The following LPAR4 variants were observed in gnomAD, a reference collection of about 807,000 sequenced individuals.
The protein encoded by LPAR4 is lysophosphatidic acid receptor 4.
Under a neutral mutation model 9.2 loss-of-function variants are expected in LPAR4, and 14 were observed. The observed-to-expected ratio is 1.51, with a 90% CI of 1.00 to 2.37. The LOEUF is 2.37. LPAR4 is among the 30% of genes most tolerant of loss of function. The pLI, the probability that LPAR4 is intolerant of heterozygous loss-of-function variation, is 0.00. For missense variants in LPAR4, 251 were observed against 272.1 expected, an observed-to-expected ratio of 0.92 and a Z score of 0.55; for synonymous variants, 131 against 97.9, an observed-to-expected ratio of 1.34 and a Z score of -1.99.
At position 78,757,032 on chromosome X, in the gene LPAR4, A is replaced by G. The variant is rs1408197250; in HGVS notation, c.*1050A>G. 8.3e-6 allele frequency: 1 copy of G among 121,113 alleles called. No individual in the cohort carries two copies. The highest frequency in any genetic ancestry group is 1.9e-5 in the Non-Finnish European group (1 of 52,584). 10.0% of individuals were successfully genotyped at this position (121,113 alleles called of 1,213,427 possible). On this transcript the variant is annotated 3_prime_UTR_variant, in exon 5 of 5. Coordinates refer to ENST00000614823, the MANE Select transcript of LPAR4 (RefSeq NM_001278000.3). Reference sequence around the variant, plus strand: ...TCTTTCTTATCGAATTTTGGAGCCTAATATAGCCAGGAGCTGCTGAATTTG... The same window carrying G: ...TCTTTCTTATCGAATTTTGGAGCCTGATATAGCCAGGAGCTGCTGAATTTG...
In LPAR4 at chrX:78,755,203, A is replaced by AGAGGGTTCC; in HGVS notation, c.334_335insGAGGGTTCC (p.Lys112delinsArgGlyPheGln). 1 of 1,210,925 alleles carries AGAGGGTTCC rather than the reference A, an allele frequency of 8.3e-7. No individual in the cohort carries two copies. Among genetic ancestry groups the AGAGGGTTCC allele is most frequent in the Non-Finnish European group, 1.1e-6 (1 of 894,759 alleles). ...CTGGCCTTTTGGTGACACCCTCTGC[A>AGAGGGTTCC]AGATCTCTGGAACTGCATTCCTTAC... On this transcript the variant is annotated protein_altering_variant, in exon 5 of 5. Transcript: ENST00000614823.
intron 4 of LPAR4, among the ~76,000 whole-genome samples, chrX:78,751,794 A>T: frequency 9.0e-6 from 1 of 110,922 alleles, no homozygotes; most frequent in Non-Finnish European, 1.9e-5. Context: ...GAGTCTCAAG[A>T]CTCAAGACAA....
rs371397614 is a variant in LPAR4 at position 78,755,362 on chromosome X, C to T, written c.493C>T (p.Leu165=). ...CATTGTGTGTGCTGGTGTCTGGATCCTAGTCCTCAGTGGCGGTATTTCAGC... is the reference window on the plus strand; with the variant it reads ...CATTGTGTGTGCTGGTGTCTGGATCTTAGTCCTCAGTGGCGGTATTTCAGC... ...SAIVCAGVWI[L]VLSGGISASL... The change falls in exon 5 of 5, where the codon CTA becomes TTA. Residue 165 remains leucine (L), a synonymous_variant. Coordinates refer to ENST00000614823, the MANE Select transcript of LPAR4 (RefSeq NM_001278000.3). 4.1e-6 allele frequency: 5 copies of T among 1,208,706 alleles called. No homozygotes were observed. The African/African-American group carries it at 7.0e-5, about 17-fold the overall frequency.
At chrX:78,754,408 A>AATT (rs1925196413) in intron 4 of LPAR4, among the ~76,000 whole-genome samples, 1 of 111,738 alleles carries the variant, frequency 8.9e-6, no homozygotes. Flanking sequence ...CAAATAAAAT[A>AATT]ATTATACTGG....
Position 78,755,997 on chromosome X carries a change from T to A in LPAR4, c.*15T>A. On this transcript the variant is annotated 3_prime_UTR_variant, in exon 5 of 5. Coordinates refer to ENST00000614823, the MANE Select transcript of LPAR4 (RefSeq NM_001278000.3). The stretch of plus-strand genomic sequence containing the variant: ...CCACCTTTTAGGTATGAGAAATGTG[T>A]TCAGGTCCAGATATGGTTTCTCCTA... 2.6e-6 allele frequency: 3 copies of A among 1,174,771 alleles called. No individual in the cohort carries two copies. Among genetic ancestry groups the A allele is most frequent in the Non-Finnish European group, 3.4e-6 (3 of 871,868 alleles).
chrX:78,749,238 C>G (rs1472733235), intron 1 of LPAR4: 1 of 111,708 alleles, frequency 9.0e-6, no homozygotes, highest in Non-Finnish European at 1.9e-5. Flanking sequence ...GTGGTTTGTT[C>G]AGCGCCTAAT....
At position 78,756,830 on chromosome X, in the gene LPAR4, A is replaced by G. The variant is rs1335144680; in HGVS notation, c.*848A>G. ...ATAAAATATTTATCCTCCCTGTTAT[A>G]CTTTGGAGCACAGCACAGCCAGAAA... On this transcript the variant is annotated 3_prime_UTR_variant, in exon 5 of 5. Transcript: ENST00000614823. 1.6e-5 allele frequency: 2 copies of G among 121,820 alleles called. No individual in the cohort carries two copies. Among genetic ancestry groups the G allele is most frequent in the African/African-American group, 6.6e-5 (2 of 30,486 alleles). The allele number at this position is 121,820 out of a possible 1,213,427, so 10.0% of individuals were successfully genotyped here.
intron 4 of LPAR4, among the ~76,000 whole-genome samples, chrX:78,752,756 C>A (rs1925124266): frequency 2.7e-5 from 3 of 111,160 alleles, no homozygotes; most frequent in Non-Finnish European, 5.7e-5. Context: ...TCTAGGGTAC[C>A]GGGCATATTT....
At chrX:78,753,188 G>A (rs936798466) in intron 4 of LPAR4, among the ~76,000 whole-genome samples, 11 of 111,922 alleles carry the variant, frequency 9.8e-5, no homozygotes, top group Non-Finnish European at 1.9e-4. Context: ...GTAATTAACT[G>A]CATCAGCATA....
chrX:78,753,030 A>C (rs776898473), intron 4 of LPAR4, among the ~76,000 whole-genome samples: 1 of 111,504 alleles, frequency 9.0e-6, no homozygotes, highest in East Asian at 2.8e-4. Context: ...ATTTTTGGTC[A>C]ACCTCCACGG....
At chrX:78,753,779 G>C (rs750283088) in intron 4 of LPAR4, among the ~76,000 whole-genome samples, 4 of 111,761 alleles carry the variant, frequency 3.6e-5, no homozygotes, top group Non-Finnish European at 7.5e-5. Flanking sequence ...GAGTGAACCA[G>C]TGTCTGAGTC....
chrX:78,752,403 T>G (rs1157464032), intron 4 of LPAR4, among the ~76,000 whole-genome samples: 1 of 111,996 alleles, frequency 8.9e-6, no homozygotes, highest in Non-Finnish European at 1.9e-5. Context: ...ACCACTAATT[T>G]GAGAAGCAAC....
In LPAR4 at chrX:78,756,483, A is replaced by C. The variant is rs1925297615; in HGVS notation, c.*501A>C. 8.1e-6 allele frequency: 1 copy of C among 123,513 alleles called. No individual in the cohort carries two copies. The highest frequency in any genetic ancestry group is 3.2e-5 in the African/African-American group (1 of 30,784). 10.2% of individuals were successfully genotyped at this position (123,513 alleles called of 1,213,427 possible). A position where few individuals can be genotyped will look rare whatever the true frequency, so the allele number is the denominator to read the frequency against. ...ATAAGAAATGTGTCAAATTTTTAAC[A>C]TTGGTAAAATATGTTATGTGCATTT... On this transcript the variant is annotated 3_prime_UTR_variant, in exon 5 of 5. Transcript: ENST00000614823.
chrX:78,748,205 C>T (rs1433629386), intron 1 of LPAR4, among the ~76,000 whole-genome samples, 171 bp downstream of exon 1: 3 of 111,950 alleles, frequency 2.7e-5, no homozygotes, highest in African/African-American at 9.7e-5. Flanking sequence ...CGAGAATTTC[C>T]ATTGTTTTGG....
rs749762681 is a variant in LPAR4, at chrX:78,757,926, A to G, written c.*1944A>G. ...CACAGAACAATAACAAAAAAGTAAA[A>G]CTTCTAAAACAATAAGCAAATTTTT... On this transcript the variant is annotated 3_prime_UTR_variant, in exon 5 of 5. Coordinates refer to ENST00000614823, the MANE Select transcript of LPAR4 (RefSeq NM_001278000.3). Among the ~76,000 whole-genome samples the G allele has an allele frequency of 5.4e-5, 6 of 111,685 alleles. No homozygotes were observed. Among genetic ancestry groups the G allele is most frequent in the Non-Finnish European group, 9.4e-5 (5 of 52,964 alleles).
In LPAR4 at chrX:78,758,529, A is replaced by T. The variant is rs1268755612; in HGVS notation, c.*2547A>T. On this transcript the variant is annotated 3_prime_UTR_variant, in exon 5 of 5. Coordinates refer to ENST00000614823, the MANE Select transcript of LPAR4 (RefSeq NM_001278000.3). ...TTTATATTTCACTTCTCAAATTTCC[A>T]TTTTTATAGTTAATATAAATTGCTA... is the stretch of plus-strand genomic sequence containing the variant. 9.0e-6 allele frequency among the ~76,000 whole-genome samples: 1 copy of T among 111,415 alleles called. No individual in the cohort carries two copies.
At chrX:78,753,120 T>A (rs1186796767) in intron 4 of LPAR4, among the ~76,000 whole-genome samples, 1 of 111,677 alleles carries the variant, frequency 9.0e-6, no homozygotes, top group Non-Finnish European at 1.9e-5. Flanking sequence ...ATTGTCAGAA[T>A]AATTGGGAGC....
At chrX:78,751,129 A>T (rs1925045849) in intron 3 of LPAR4, 81 bp from the exon 4 acceptor site, 2 of 111,759 alleles carry the variant, frequency 1.8e-5, no homozygotes, top group East Asian at 5.6e-4. Context: ...CTATAAGATC[A>T]TTTTATTGAA....
At chrX:78,748,715 C>A (rs1189877556) in intron 1 of LPAR4, among the ~76,000 whole-genome samples, 3 of 111,637 alleles carry the variant, frequency 2.7e-5, no homozygotes, top group Non-Finnish European at 1.9e-5. Context: ...TGTAATTTAT[C>A]ATTATTTCAG....
Sources: allele counts gnomAD v4.1 joint callset (sites outside exome capture counted in the v4.1 genomes callset), GRCh38; gene constraint gnomAD v4.1.1; transcripts MANE v1.5; gene names NCBI Gene and HGNC (gene_info 2026-07-23, HGNC 2026-07-21).